Variants in DMXL1 observed in about 807,000 individuals in gnomAD.
DMXL1 encodes dmX-like protein 1.
In DMXL1, 99 loss-of-function variants were observed where a neutral mutation model predicts 319.2. The observed-to-expected ratio is 0.31, with a 90% confidence interval of 0.26 to 0.37. The LOEUF (loss-of-function observed/expected upper bound fraction) is 0.37, where lower values mean the gene tolerates loss of function less well. DMXL1 is among the 10% of genes least tolerant of loss of function. The pLI is 1.00. For missense variants in DMXL1, 3,745 were observed against 3,595.6 expected (o/e 1.04, Z -1.06); for synonymous variants, 1,385 against 1,235.2 (o/e 1.12, Z -2.54).
At chr5:119,155,348 G>C (rs1356848365) in intron 19 of DMXL1, among the ~76,000 whole-genome samples, 1 of 152,170 alleles carries the variant, frequency 6.6e-6, no homozygotes, top group Non-Finnish European at 1.5e-5. Flanking sequence ...TTGGGGACAT[G>C]TGTAATTCAT....
Position 119,239,087 on chromosome 5 carries a change from G to C in DMXL1, c.8651+7G>C, listed in dbSNP as rs779640696. 21 of 1,613,272 alleles carry C rather than the reference G, an allele frequency of 1.3e-5. No individual in the cohort carries two copies. Among genetic ancestry groups the C allele is most frequent in the Non-Finnish European group, 1.7e-5 (20 of 1,179,780 alleles). On this transcript the variant is annotated splice_region_variant and intron_variant, in intron 41 of 43. Transcript: ENST00000539542. ...GTCTTTCAACTGACAATAGGTAAGA[G>C]ATGATAGCTAAAATTGAAGTATGAG...
chr5:119,221,557 A>G (rs201954660), intron 37 of DMXL1, among the ~76,000 whole-genome samples: 1 of 152,192 alleles, frequency 6.6e-6, no homozygotes, highest in Non-Finnish European at 1.5e-5. Flanking sequence ...TTATAGGAAC[A>G]CAGCCAGTCA....
intron 10 of DMXL1, 93 bp from the exon 11 acceptor site, chr5:119,133,039 C>G (rs1376152186): frequency 7.1e-7 from 1 of 1,400,122 alleles, no homozygotes; most frequent in Non-Finnish European, 9.8e-7. Flanking sequence ...CATGAGATCT[C>G]CATGTGTTCA....
intron 34 of DMXL1, among the ~76,000 whole-genome samples, chr5:119,213,663 C>T (rs147977112): frequency 1.5e-3 from 224 of 152,230 alleles, no homozygotes; most frequent in African/African-American, 5.2e-3. Flanking sequence ...ATTATCAATT[C>T]AGTTGAATGT....
intron 4 of DMXL1, among the ~76,000 whole-genome samples, chr5:119,106,732 T>G (rs934350063): frequency 6.6e-6 from 1 of 152,186 alleles, no homozygotes; most frequent in African/African-American, 2.4e-5. Flanking sequence ...TTGGAGAGGT[T>G]GTATTCTCAT....
chr5:119,114,126 C>G (rs1760278064), intron 5 of DMXL1, among the ~76,000 whole-genome samples: 1 of 152,094 alleles, frequency 6.6e-6, no homozygotes, highest in South Asian at 2.1e-4. Context: ...ATATATTATC[C>G]ATGAAAATGT....
intron 38 of DMXL1, among the ~76,000 whole-genome samples, chr5:119,227,305 T>A (rs1785773939): frequency 6.6e-6 from 1 of 152,198 alleles, no homozygotes; most frequent in African/African-American, 2.4e-5. Flanking sequence ...AATAAGTATT[T>A]GTTGAAATCA....
intron 19 of DMXL1, among the ~76,000 whole-genome samples, chr5:119,155,261 T>C (rs1770752038): frequency 6.6e-6 from 1 of 152,208 alleles, no homozygotes; most frequent in Non-Finnish European, 1.5e-5. Context: ...ATAGCTGCTA[T>C]AGATAATTAT....
At chr5:119,215,236 A>T (rs1198390554) in intron 34 of DMXL1, among the ~76,000 whole-genome samples, 1 of 152,028 alleles carries the variant, frequency 6.6e-6, no homozygotes, top group African/African-American at 2.4e-5. Context: ...TTGTGTAGGG[A>T]TATTTTGGTT....
At chr5:119,188,675 T>C (rs1778184007) in intron 28 of DMXL1, among the ~76,000 whole-genome samples, 1 of 152,252 alleles carries the variant, frequency 6.6e-6, no homozygotes, top group Admixed American at 6.5e-5. Flanking sequence ...TAAAATCATT[T>C]GAAAGATTAA....
In DMXL1 at chr5:119,208,689, TA is replaced by T. The variant is rs985666756; in HGVS notation, c.7926+1803del. 8.0e-5 allele frequency among the ~76,000 whole-genome samples: 12 copies of T among 150,550 alleles called. No individual in the cohort carries two copies. The South Asian group carries it at 1.9e-3, about 24-fold the overall frequency. On this transcript the variant is annotated intron_variant, in intron 34 of 43. Coordinates refer to ENST00000539542, the MANE Select transcript of DMXL1 (RefSeq NM_001290321.3). Reference sequence around the variant, plus strand: ...TTTCCAAGCCCACTGCTATATAGTTTAAAAAAAAAATCTTTGTAAGGTATGC... The same window carrying T: ...TTTCCAAGCCCACTGCTATATAGTTTAAAAAAAAATCTTTGTAAGGTATGC...
At chr5:119,115,694 T>C (rs1331041633) in intron 6 of DMXL1, among the ~76,000 whole-genome samples, 2 of 152,208 alleles carry the variant, frequency 1.3e-5, no homozygotes, top group African/African-American at 4.8e-5. Context: ...AAGAATATTT[T>C]ATATAGTATT....
intron 31 of DMXL1, 118 bp from the exon 32 acceptor site, chr5:119,197,637 A>G: frequency 1.1e-6 from 1 of 913,894 alleles, no homozygotes; most frequent in Non-Finnish European, 1.7e-6. Flanking sequence ...TTAATATTTC[A>G]TCTCAGTCTT....
intron 9 of DMXL1, among the ~76,000 whole-genome samples, chr5:119,123,012 C>A (rs1762552573): frequency 6.6e-6 from 1 of 152,070 alleles, no homozygotes; most frequent in Non-Finnish European, 1.5e-5. Context: ...AGCCTGGGCA[C>A]CATTGAGCAC....
chr5:119,223,953 A>G (rs1785091078), intron 37 of DMXL1, among the ~76,000 whole-genome samples: 1 of 152,156 alleles, frequency 6.6e-6, no homozygotes, highest in South Asian at 2.1e-4. Context: ...TCAAATGATA[A>G]AAACTAATAG....
intron 2 of DMXL1, 75 bp downstream of exon 2, chr5:119,098,179 T>G (rs1756414248): frequency 8.0e-6 from 12 of 1,495,602 alleles, no homozygotes; most frequent in Non-Finnish European, 1.1e-5. Flanking sequence ...AAGTGTGTAT[T>G]TCCTATTGAA....
At chr5:119,177,631 T>C in intron 27 of DMXL1, 147 bp downstream of exon 27, 1 of 612,968 alleles carries the variant, frequency 1.6e-6, no homozygotes, top group Non-Finnish European at 2.7e-6. Flanking sequence ...TCATTCTGAA[T>C]TACAGTTACT....
At chr5:119,129,527 T>A (rs1764334857) in intron 10 of DMXL1, 104 bp downstream of exon 10, 2 of 744,518 alleles carry the variant, frequency 2.7e-6, no homozygotes, top group African/African-American at 3.6e-5. Context: ...AAAGTTGCAA[T>A]GACATGATCC....
chr5:119,197,625 T>C, intron 31 of DMXL1, 130 bp from the exon 32 acceptor site: 1 of 820,590 alleles, frequency 1.2e-6, no homozygotes, highest in Non-Finnish European at 1.9e-6. Flanking sequence ...CCAAAGTGTA[T>C]GTTAATATTT....
Sources: allele counts gnomAD v4.1 joint callset (sites outside exome capture counted in the v4.1 genomes callset), GRCh38; gene constraint gnomAD v4.1.1; transcripts MANE v1.5; gene names NCBI Gene and HGNC (gene_info 2026-07-23, HGNC 2026-07-21).